NKAIN2: variants seen among roughly 807,000 people sequenced by gnomAD.
NKAIN2 encodes sodium/potassium-transporting ATPase subunit beta-1-interacting protein 2.
NKAIN2 carries 14 observed loss-of-function variants against 32.6 expected under a neutral mutation model. The observed-to-expected ratio is 0.43, with a 90% CI of 0.28 to 0.67. NKAIN2 has a LOEUF of 0.67. Ranked by LOEUF, NKAIN2 falls within the 30% of genes least tolerant of loss-of-function variation. NKAIN2 has a pLI of 0.17. For missense variants in NKAIN2, 198 were observed against 258.3 expected (o/e 0.77, Z 1.60); for synonymous variants, 80 against 87.2 (o/e 0.92, Z 0.46).
chr6:123,856,864 A>G (rs1353972393), intron 1 of NKAIN2, among the ~76,000 whole-genome samples: 1 of 152,198 alleles, frequency 6.6e-6, no homozygotes, highest in Non-Finnish European at 1.5e-5. Flanking sequence ...AATTAAATCA[A>G]TTTAATCACA....
chr6:124,409,344 T>C (rs1167809012), intron 3 of NKAIN2, among the ~76,000 whole-genome samples: 1 of 152,094 alleles, frequency 6.6e-6, no homozygotes, highest in Non-Finnish European at 1.5e-5. Flanking sequence ...CATAGATAGC[T>C]CTTATTATTT....
At chr6:124,535,260 T>A (rs1779673960) in intron 3 of NKAIN2, among the ~76,000 whole-genome samples, 1 of 152,246 alleles carries the variant, frequency 6.6e-6, no homozygotes, top group Non-Finnish European at 1.5e-5. Flanking sequence ...TCTATTTTTT[T>A]ATCTAGGACA....
chr6:124,158,468 G>A (rs1011725936), intron 1 of NKAIN2, among the ~76,000 whole-genome samples: 2 of 152,166 alleles, frequency 1.3e-5, no homozygotes, highest in Non-Finnish European at 2.9e-5. Context: ...AAGTATGACA[G>A]TATGCCAGAA....
At chr6:124,673,847 G>T (rs1773222224) in intron 4 of NKAIN2, among the ~76,000 whole-genome samples, 1 of 151,556 alleles carries the variant, frequency 6.6e-6, no homozygotes, top group Admixed American at 6.6e-5. Context: ...TTTTCAGTCT[G>T]TTTATTATTT....
At chr6:124,193,815 G>A (rs1308101495) in intron 1 of NKAIN2, among the ~76,000 whole-genome samples, 2 of 152,002 alleles carry the variant, frequency 1.3e-5, no homozygotes, top group Admixed American at 6.5e-5. Context: ...GTGTCCTGAG[G>A]AGTGTTCAGG....
chr6:124,290,264 A>C (rs1405912237), intron 2 of NKAIN2, among the ~76,000 whole-genome samples: 1 of 152,184 alleles, frequency 6.6e-6, no homozygotes, highest in Non-Finnish European at 1.5e-5. Context: ...CATATAAATA[A>C]TTACATTTGA....
chr6:123,939,551 G>GA (rs1384211377), intron 1 of NKAIN2, among the ~76,000 whole-genome samples: 4 of 151,718 alleles, frequency 2.6e-5, no homozygotes, highest in African/African-American at 7.3e-5. Context: ...TATAAATGAA[G>GA]AAAAAATCAT....
chr6:124,361,666 T>G (rs775692551), intron 3 of NKAIN2, among the ~76,000 whole-genome samples: 1 of 152,104 alleles, frequency 6.6e-6, no homozygotes, highest in South Asian at 2.1e-4. Flanking sequence ...ATATAACTTG[T>G]CAATTTGAAA....
chr6:124,714,193 G>T lies in NKAIN2; in HGVS notation c.474+55807G>T, dbSNP rs906698228. On this transcript the variant is annotated intron_variant, in intron 4 of 6. Coordinates refer to ENST00000368417, the MANE Select transcript of NKAIN2 (RefSeq NM_001040214.3). The stretch of plus-strand genomic sequence containing the variant: ...TCGGATGTAATCTACATAAATATTG[G>T]AGCTGAGGGCTCTAAATTAAGCTAA... Among the ~76,000 whole-genome samples the T allele has an allele frequency of 9.2e-5, 14 of 151,886 alleles. 1 individual carries two copies. Among genetic ancestry groups the T allele is most frequent in the Non-Finnish European group, 1.8e-4 (12 of 68,000 alleles).
chr6:124,767,702 T>G (rs1375314673), intron 4 of NKAIN2, among the ~76,000 whole-genome samples: 1 of 152,212 alleles, frequency 6.6e-6, no homozygotes, highest in Non-Finnish European at 1.5e-5. Flanking sequence ...TGTTGTTCTC[T>G]CCTTTCAACA....
intron 1 of NKAIN2, among the ~76,000 whole-genome samples, chr6:123,926,650 C>T (rs1229219490): frequency 6.6e-6 from 1 of 152,136 alleles, no homozygotes; most frequent in Non-Finnish European, 1.5e-5. Context: ...TTTTGCTCCC[C>T]CTCATCTTGA....
At chr6:124,205,291 T>C (rs1260478549) in intron 1 of NKAIN2, among the ~76,000 whole-genome samples, 2 of 151,896 alleles carry the variant, frequency 1.3e-5, no homozygotes, top group Non-Finnish European at 2.9e-5. Context: ...TTCCAAATTA[T>C]ATAAGCTAAT....
At chr6:124,756,636 T>C (rs1272489421) in intron 4 of NKAIN2, among the ~76,000 whole-genome samples, 2 of 97,394 alleles carry the variant, frequency 2.1e-5, no homozygotes, top group Non-Finnish European at 4.2e-5. Context: ...TCTATATAAA[T>C]AAACAAATGC....
chr6:124,553,554 G>C (rs1021713554), intron 3 of NKAIN2, among the ~76,000 whole-genome samples: 3 of 152,192 alleles, frequency 2.0e-5, no homozygotes, highest in Admixed American at 2.0e-4. Context: ...TGATCCACCT[G>C]CCTCGACCTC....
chr6:124,798,102 T>G (rs867325085), intron 5 of NKAIN2, among the ~76,000 whole-genome samples: 20 of 138,444 alleles, frequency 1.4e-4, no homozygotes, highest in African/African-American at 4.4e-4. Context: ...TATCTATCTA[T>G]CTATCATCTA....
intron 4 of NKAIN2, among the ~76,000 whole-genome samples, chr6:124,739,608 G>A (rs553100816): frequency 1.3e-5 from 2 of 151,842 alleles, no homozygotes; most frequent in Non-Finnish European, 2.9e-5. Context: ...TTGGGATAAT[G>A]GAAGGCATGT....
At chr6:124,374,387 C>T (rs1238075552) in intron 3 of NKAIN2, among the ~76,000 whole-genome samples, 1 of 151,888 alleles carries the variant, frequency 6.6e-6, no homozygotes, top group Non-Finnish European at 1.5e-5. Flanking sequence ...ATAATGATGA[C>T]CCCGATGTGC....
intron 3 of NKAIN2, among the ~76,000 whole-genome samples, chr6:124,390,046 A>C (rs773274504): frequency 6.6e-6 from 1 of 152,084 alleles, no homozygotes; most frequent in South Asian, 2.1e-4. Context: ...GACAAGATAC[A>C]GTAGACTTAA....
intron 1 of NKAIN2, among the ~76,000 whole-genome samples, chr6:124,026,056 C>T (rs1489568846): frequency 1.3e-5 from 2 of 152,144 alleles, no homozygotes; most frequent in Non-Finnish European, 2.9e-5. Context: ...GCTGAAGTTT[C>T]TTACTGTTTA....
Sources: allele counts gnomAD v4.1 joint callset (sites outside exome capture counted in the v4.1 genomes callset), GRCh38; gene constraint gnomAD v4.1.1; transcripts MANE v1.5; gene names NCBI Gene and HGNC (gene_info 2026-07-23, HGNC 2026-07-21).